CSNK1G3: variants seen among roughly 807,000 people sequenced by gnomAD.
CSNK1G3 encodes casein kinase 1 gamma 3.
CSNK1G3 carries 23 observed loss-of-function variants against 64.3 expected under a neutral mutation model. The observed-to-expected ratio is 0.36, with a 90% CI of 0.26 to 0.51. CSNK1G3 has a LOEUF of 0.51. Among genes scored for constraint, CSNK1G3 ranks in the 20% least tolerant of loss-of-function variants. The probability of loss-of-function intolerance (pLI) is 0.96; values close to 1 mark genes in which losing one functional copy is unlikely to be tolerated. For missense variants in CSNK1G3, 357 were observed against 510.5 expected (o/e 0.70, Z 2.90); for synonymous variants, 158 against 162.2 (o/e 0.97, Z 0.20).
At chr5:123,590,204 C>A (rs909156460) in intron 8 of CSNK1G3, among the ~76,000 whole-genome samples, 2 of 151,810 alleles carry the variant, frequency 1.3e-5, no homozygotes, top group Non-Finnish European at 2.9e-5. Context: ...TTAAACTAAA[C>A]CTCCCATTTT....
At chr5:123,571,056 A>G (rs1787995911) in intron 4 of CSNK1G3, among the ~76,000 whole-genome samples, 1 of 152,172 alleles carries the variant, frequency 6.6e-6, no homozygotes, top group Non-Finnish European at 1.5e-5. Flanking sequence ...TGAGGGGTAG[A>G]TATGACAAAT....
chr5:123,566,533 T>C lies in CSNK1G3; in HGVS notation c.290-6860T>C, dbSNP rs186561894. Among the ~76,000 whole-genome samples, 3 of 152,340 alleles carry C rather than the reference T, an allele frequency of 2.0e-5. No homozygotes were observed. The East Asian group carries it at 5.8e-4, about 29-fold the overall frequency. On this transcript the variant is annotated intron_variant, in intron 4 of 12. Transcript: ENST00000345990. ...CCTCTTTTTCCTTACCTCTCCCATTTCTAAAGAATCTCTACCTTGTGACCT... is the reference window on the plus strand; with the variant it reads ...CCTCTTTTTCCTTACCTCTCCCATTCCTAAAGAATCTCTACCTTGTGACCT...
Position 123,545,503 on chromosome 5 carries a change from T to C in CSNK1G3, c.-161T>C. 5 of 503,028 alleles carry C rather than the reference T, an allele frequency of 9.9e-6. No homozygotes were observed. Among genetic ancestry groups the C allele is most frequent in the Non-Finnish European group, 1.7e-5 (5 of 291,996 alleles). The allele number at this position is 503,028 out of a possible 1,614,324, so 31.2% of individuals were successfully genotyped here. A position where few individuals can be genotyped will look rare whatever the true frequency, so the allele number is the denominator to read the frequency against. ...AAGACACTAAGAAAAATTTTACGAATGGGATGAACATGCTCCAGTTAATTG... is the reference window on the plus strand; with the variant it reads ...AAGACACTAAGAAAAATTTTACGAACGGGATGAACATGCTCCAGTTAATTG... On this transcript the variant is annotated 5_prime_UTR_variant, in exon 2 of 13. It removes an upstream start codon present in the reference 5' UTR. Coordinates refer to ENST00000345990, the Ensembl canonical transcript of CSNK1G3.
intron 4 of CSNK1G3, among the ~76,000 whole-genome samples, chr5:123,559,709 T>A (rs1327749743): frequency 6.6e-6 from 1 of 151,786 alleles, no homozygotes; most frequent in East Asian, 1.9e-4. Flanking sequence ...GTGGTTTTTT[T>A]TTTTTTTTTG....
chr5:123,554,407 A>G (rs1277414129), intron 3 of CSNK1G3, among the ~76,000 whole-genome samples: 1 of 152,106 alleles, frequency 6.6e-6, no homozygotes, highest in Non-Finnish European at 1.5e-5. Flanking sequence ...GTGAATTTCT[A>G]ACTAATAATG....
chr5:123,566,572 C>T (rs961763533), intron 4 of CSNK1G3, among the ~76,000 whole-genome samples: 14 of 152,070 alleles, frequency 9.2e-5, no homozygotes, highest in South Asian at 2.1e-4. Flanking sequence ...CTACCATTTA[C>T]GTTGCTCTGG....
intron 1 of CSNK1G3, among the ~76,000 whole-genome samples, chr5:123,517,235 C>T (rs1229840971): frequency 1.3e-5 from 2 of 152,202 alleles, no homozygotes; most frequent in Non-Finnish European, 2.9e-5. Context: ...AATTTGCTGA[C>T]TGATGCTCAT....
chr5:123,556,465 C>T (rs1409404126), intron 3 of CSNK1G3, among the ~76,000 whole-genome samples: 1 of 152,012 alleles, frequency 6.6e-6, no homozygotes, highest in Non-Finnish European at 1.5e-5. Flanking sequence ...TCCTTTTCTT[C>T]TGTTTTCCAG....
intron 10 of CSNK1G3, among the ~76,000 whole-genome samples, chr5:123,603,341 G>GA (rs1158032356): frequency 6.6e-6 from 1 of 151,984 alleles, no homozygotes; most frequent in Non-Finnish European, 1.5e-5. Flanking sequence ...AGAAACAAGA[G>GA]AATTTGGGAG....
At chr5:123,538,227 T>C (rs2150171561) in intron 1 of CSNK1G3, among the ~76,000 whole-genome samples, 1 of 152,282 alleles carries the variant, frequency 6.6e-6, no homozygotes, top group Non-Finnish European at 1.5e-5. Context: ...AGGATAGGTG[T>C]ATATTTTACT....
intron 10 of CSNK1G3, among the ~76,000 whole-genome samples, chr5:123,599,074 A>G (rs1002821827): frequency 6.6e-6 from 1 of 152,188 alleles, no homozygotes; most frequent in African/African-American, 2.4e-5. Flanking sequence ...GATAGTAGTA[A>G]TCTCTAATTC....
chr5:123,591,230 T>A (rs958105999), intron 9 of CSNK1G3, 89 bp from the exon 10 acceptor site: 1 of 698,820 alleles, frequency 1.4e-6, no homozygotes, highest in Non-Finnish European at 2.2e-6. Context: ...GTCTTTTGTT[T>A]TTTTCCTTAA....
intron 4 of CSNK1G3, among the ~76,000 whole-genome samples, chr5:123,565,773 G>A (rs999977337): frequency 6.6e-6 from 1 of 152,102 alleles, no homozygotes; most frequent in African/African-American, 2.4e-5. Flanking sequence ...TTATCACGTG[G>A]AGAGAGTGGG....
At chr5:123,531,733 TCA>T (rs1485357898) in intron 1 of CSNK1G3, among the ~76,000 whole-genome samples, 1 of 152,016 alleles carries the variant, frequency 6.6e-6, no homozygotes, top group East Asian at 1.9e-4. Flanking sequence ...TACCATTTAT[TCA>T]CACATGTAGT....
At chr5:123,561,456 G>A (rs1785699390) in intron 4 of CSNK1G3, among the ~76,000 whole-genome samples, 1 of 152,178 alleles carries the variant, frequency 6.6e-6, no homozygotes, top group Non-Finnish European at 1.5e-5. Context: ...GAAAGCAGTA[G>A]CTTAAACAAG....
At chr5:123,581,482 C>G (rs188432250) in intron 6 of CSNK1G3, among the ~76,000 whole-genome samples, 2 of 149,024 alleles carry the variant, frequency 1.3e-5, no homozygotes, top group Admixed American at 1.3e-4. Flanking sequence ...TTCTTTTGAC[C>G]TTGTCACCAA....
At chr5:123,599,246 T>C (rs894176929) in intron 10 of CSNK1G3, among the ~76,000 whole-genome samples, 1 of 152,216 alleles carries the variant, frequency 6.6e-6, no homozygotes, top group Non-Finnish European at 1.5e-5. Flanking sequence ...ACATGTACTA[T>C]GTATACCTCC....
chr5:123,518,110 C>T (rs1250757112), intron 1 of CSNK1G3, among the ~76,000 whole-genome samples: 2 of 152,066 alleles, frequency 1.3e-5, no homozygotes, highest in African/African-American at 2.4e-5. Context: ...AGGGGTAAGC[C>T]TTCTTATAGT....
intron 10 of CSNK1G3, among the ~76,000 whole-genome samples, chr5:123,604,108 G>C (rs1794940059): frequency 6.6e-6 from 1 of 152,050 alleles, no homozygotes; most frequent in South Asian, 2.1e-4. Context: ...TAGTAATAGA[G>C]ATGGTGAGAA....
Sources: gnomAD v4.1 joint callset for allele counts (sites outside exome capture counted in the v4.1 genomes callset) on GRCh38, gnomAD v4.1.1 for gene constraint, MANE v1.5 for transcripts, NCBI Gene and HGNC (gene_info 2026-07-23, HGNC 2026-07-21) for gene names.